MAD1L1: variants seen among roughly 807,000 people sequenced by gnomAD.
MAD1L1 encodes mitotic arrest deficient 1 like 1.
Under a neutral mutation model 96.9 loss-of-function variants are expected in MAD1L1, and 95 were observed. The ratio of observed to expected loss-of-function variants is 0.98; its 90% CI spans 0.83 to 1.16. The LOEUF is 1.16. Ranked by LOEUF, MAD1L1 falls within the 50% of genes most tolerant of loss-of-function variation. The pLI is 0.00. For missense variants in MAD1L1, 1,007 were observed against 954.4 expected (o/e 1.06, Z -0.73); for synonymous variants, 473 against 396.6 (o/e 1.19, Z -2.29).
At position 1,936,670 on chromosome 7, in the gene MAD1L1, G is replaced by C. The variant is rs1401826059; in HGVS notation, c.1807+17C>G. 1 of 1,545,238 alleles carries C rather than the reference G, an allele frequency of 6.5e-7. No individual in the cohort carries two copies. Among genetic ancestry groups the C allele is most frequent in the African/African-American group, 1.4e-5 (1 of 73,084 alleles). On this transcript the variant is annotated intron_variant, in intron 17 of 18. Coordinates refer to ENST00000265854, the MANE Select transcript of MAD1L1 (RefSeq NM_001013836.2). ...GAAGGTCGAGGATGGCAGGGACCGG[G>C]GGTGGGGGGTGCCTACCTGCCACCT...
intron 12 of MAD1L1, among the ~76,000 whole-genome samples, chr7:2,021,726 C>T (rs1285407640): frequency 6.6e-6 from 1 of 152,034 alleles, no homozygotes; most frequent in African/African-American, 2.4e-5. Context: ...GATCGCACCA[C>T]TGCACTCCAG....
chr7:1,882,741 C>T (rs896466964), intron 18 of MAD1L1, among the ~76,000 whole-genome samples: 112 of 152,324 alleles, frequency 7.4e-4, no homozygotes, highest in African/African-American at 2.6e-3. Flanking sequence ...CGCTGCATGG[C>T]CCCTCGCCCC....
At chr7:2,063,762 G>A (rs1239615638) in intron 12 of MAD1L1, among the ~76,000 whole-genome samples, 1 of 152,216 alleles carries the variant, frequency 6.6e-6, no homozygotes, top group East Asian at 1.9e-4. Flanking sequence ...CCTTTGTCAT[G>A]GCCAGGGTGC....
intron 13 of MAD1L1, among the ~76,000 whole-genome samples, chr7:2,005,454 C>T (rs1284847491): frequency 1.3e-5 from 2 of 152,144 alleles, no homozygotes; most frequent in Non-Finnish European, 2.9e-5. Context: ...TATACTCTAG[C>T]ACCCTGGGGG....
rs899705145 is a variant in MAD1L1 at position 2,222,696 on chromosome 7, TC to T, written c.349del (p.Glu117ArgfsTer46). ...LTRIRQLQEREAGAEEKMQEQ... is the reference protein window; with the variant it reads ...LTRIRQLQERXAGAEEKMQEQ... Reference sequence around the variant, plus strand: ...CTGCATCTTCTCCTCCGCCCCGGCCTCCCGCTCCTGAAGCTGCCGGATGCGC... The same window carrying T: ...CTGCATCTTCTCCTCCGCCCCGGCCTCCGCTCCTGAAGCTGCCGGATGCGC... On this transcript the variant is annotated frameshift_variant, in exon 5 of 19. Transcript: ENST00000265854. LOFTEE classifies it high-confidence loss of function. 2 of 1,611,428 alleles carry T rather than the reference TC, an allele frequency of 1.2e-6. No individual in the cohort carries two copies. Among genetic ancestry groups the T allele is most frequent in the Admixed American group, 3.3e-5 (2 of 59,960 alleles).
intron 16 of MAD1L1, among the ~76,000 whole-genome samples, chr7:1,953,966 C>A (rs1025261657): frequency 6.6e-6 from 1 of 152,292 alleles, no homozygotes; most frequent in East Asian, 1.9e-4. Flanking sequence ...CCAGTGCGGC[C>A]TCCACTGGAC....
At chr7:1,895,963 A>G (rs1222301998) in intron 18 of MAD1L1, among the ~76,000 whole-genome samples, 4 of 152,242 alleles carry the variant, frequency 2.6e-5, no homozygotes, top group African/African-American at 9.6e-5. Context: ...ACAAGAGTCT[A>G]GGAAGGCGGG....
intron 15 of MAD1L1, among the ~76,000 whole-genome samples, chr7:1,971,310 T>C (rs1780395154): frequency 6.6e-6 from 1 of 152,348 alleles, no homozygotes; most frequent in Middle Eastern, 3.4e-3. Context: ...GCCAGGCTCC[T>C]ACAGGCTACA....
intron 16 of MAD1L1, 60 bp downstream of exon 16, chr7:1,957,569 G>T: frequency 6.5e-7 from 1 of 1,536,258 alleles, no homozygotes; most frequent in Non-Finnish European, 8.9e-7. Context: ...GGTCGTTCAC[G>T]ACGCCCAAAG....
At chr7:2,080,703 C>T (rs936536772) in intron 11 of MAD1L1, among the ~76,000 whole-genome samples, 23 of 152,220 alleles carry the variant, frequency 1.5e-4, no homozygotes, top group Non-Finnish European at 2.9e-4. Context: ...GCCCTGCTGT[C>T]GGCTGCACAG....
At chr7:1,994,976 G>A (rs1303332478) in intron 14 of MAD1L1, among the ~76,000 whole-genome samples, 3 of 152,180 alleles carry the variant, frequency 2.0e-5, no homozygotes, top group Non-Finnish European at 4.4e-5. Context: ...CACCACGCCC[G>A]GCCAACATCT....
chr7:2,045,085 G>C (rs945169264), intron 12 of MAD1L1, among the ~76,000 whole-genome samples: 25 of 152,194 alleles, frequency 1.6e-4, no homozygotes, highest in Non-Finnish European at 3.1e-4. Flanking sequence ...CACCTCCCAG[G>C]GTGAAGCCAT....
At chr7:2,115,798 C>A (rs940739130) in intron 11 of MAD1L1, among the ~76,000 whole-genome samples, 9 of 152,378 alleles carry the variant, frequency 5.9e-5, no homozygotes, top group African/African-American at 2.2e-4. Flanking sequence ...GCGCTCGGAG[C>A]AGAGGGAACG....
intron 13 of MAD1L1, among the ~76,000 whole-genome samples, chr7:2,002,425 A>G (rs190156035): frequency 8.5e-4 from 130 of 152,328 alleles, no homozygotes; most frequent in African/African-American, 3.0e-3. Context: ...TGGGGTGGAC[A>G]GGGGTGGGCC....
At chr7:1,895,067 C>T (rs1262559533) in intron 18 of MAD1L1, among the ~76,000 whole-genome samples, 1 of 152,158 alleles carries the variant, frequency 6.6e-6, no homozygotes, top group Admixed American at 6.5e-5. Context: ...AGAAGGGTCC[C>T]ACATCTGGGG....
chr7:2,229,311 C>A (rs1207207273), intron 3 of MAD1L1, among the ~76,000 whole-genome samples: 1 of 152,182 alleles, frequency 6.6e-6, no homozygotes, highest in African/African-American at 2.4e-5. Flanking sequence ...CACTCCCCAC[C>A]ACTCCCTACA....
intron 10 of MAD1L1, among the ~76,000 whole-genome samples, chr7:2,159,262 G>A (rs1789985326): frequency 6.6e-6 from 1 of 152,246 alleles, no homozygotes; most frequent in Admixed American, 6.5e-5. Context: ...GGACAGGGGT[G>A]CAGGAGGCAT....
chr7:1,932,901 A>G (rs1399515611), intron 17 of MAD1L1, among the ~76,000 whole-genome samples: 3 of 151,920 alleles, frequency 2.0e-5, no homozygotes, highest in Non-Finnish European at 4.4e-5. Context: ...TTACTTTCAG[A>G]CTTTCTCAAC....
chr7:1,854,103 T>A (rs557441363), intron 18 of MAD1L1, among the ~76,000 whole-genome samples: 9 of 152,294 alleles, frequency 5.9e-5, no homozygotes, highest in African/African-American at 2.2e-4. Context: ...CATCCAGGCG[T>A]GGCGGAGGCC....
Sources: gnomAD v4.1 joint callset for allele counts (sites outside exome capture counted in the v4.1 genomes callset) on GRCh38, gnomAD v4.1.1 for gene constraint, MANE v1.5 for transcripts, NCBI Gene and HGNC (gene_info 2026-07-23, HGNC 2026-07-21) for gene names.